Variants in ASAP1 observed in about 807,000 individuals in gnomAD.
The protein encoded by ASAP1 is ArfGAP with SH3 domain, ankyrin repeat and PH domain 1.
A neutral mutation model predicts 145.2 loss-of-function variants in ASAP1; 43 were observed. The ratio of observed to expected loss-of-function variants is 0.30; its 90% CI spans 0.23 to 0.38. ASAP1 has a LOEUF of 0.38. Among genes scored for constraint, ASAP1 ranks in the 10% least tolerant of loss-of-function variants. The probability of loss-of-function intolerance (pLI) is 1.00; values close to 1 mark genes in which losing one functional copy is unlikely to be tolerated. For missense variants in ASAP1, 1,018 were observed against 1,355.3 expected, an observed-to-expected ratio of 0.75 and a Z score of 3.91; for synonymous variants, 546 against 515.5, an observed-to-expected ratio of 1.06 and a Z score of -0.80.
intron 5 of ASAP1, among the ~76,000 whole-genome samples, chr8:130,194,351 G>T (rs759779113): frequency 1.3e-5 from 2 of 150,910 alleles, no homozygotes; most frequent in African/African-American, 4.9e-5. Context: ...TCAAGAGGAG[G>T]AAATTTTAGG....
chr8:130,057,890 T>C, intron 29 of ASAP1, 64 bp downstream of exon 29: 1 of 1,594,790 alleles, frequency 6.3e-7, no homozygotes, highest in African/African-American at 1.3e-5. Flanking sequence ...TAGGCTCCAA[T>C]GTGGTGCCTG....
At chr8:130,176,862 G>A (rs909182385) in intron 9 of ASAP1, among the ~76,000 whole-genome samples, 2 of 151,858 alleles carry the variant, frequency 1.3e-5, no homozygotes, top group Admixed American at 6.6e-5. Context: ...GGCTAATTTT[G>A]TACTTTTAGT....
intron 4 of ASAP1, among the ~76,000 whole-genome samples, chr8:130,219,746 A>G (rs957384041): frequency 6.6e-6 from 1 of 152,210 alleles, no homozygotes; most frequent in Non-Finnish European, 1.5e-5. Context: ...TATTCCTAAG[A>G]AACTTCTGGC....
chr8:130,062,563 T>A (rs1000702330), intron 27 of ASAP1, among the ~76,000 whole-genome samples: 2 of 152,112 alleles, frequency 1.3e-5, no homozygotes, highest in African/African-American at 4.8e-5. Flanking sequence ...CTAGGGGGAA[T>A]CCCTGAGGTG....
chr8:130,383,892 G>T (rs904776736), intron 2 of ASAP1, among the ~76,000 whole-genome samples: 1 of 152,170 alleles, frequency 6.6e-6, no homozygotes, highest in African/African-American at 2.4e-5. Context: ...GAAAGGACTT[G>T]CCCATGTCTC....
rs1419159516 is a variant in ASAP1 at position 130,053,358 on chromosome 8, C to T, written c.*1373G>A. ...CACTGACTGTGGAGTACAACTATTGCATTCTTTTCCAAAATTCAGACTGAT... is the reference window on the plus strand; with the variant it reads ...CACTGACTGTGGAGTACAACTATTGTATTCTTTTCCAAAATTCAGACTGAT... On this transcript the variant is annotated 3_prime_UTR_variant, in exon 30 of 30. Transcript: ENST00000518721. 6.6e-6 allele frequency: 1 copy of T among 152,244 alleles called. No homozygotes were observed. Among genetic ancestry groups the T allele is most frequent in the African/African-American group, 2.4e-5 (1 of 41,464 alleles). 9.4% of individuals were successfully genotyped at this position (152,244 alleles called of 1,614,324 possible). A position where few individuals can be genotyped will look rare whatever the true frequency, so the allele number is the denominator to read the frequency against.
chr8:130,132,379 C>T (rs1243479543), intron 15 of ASAP1, among the ~76,000 whole-genome samples: 1 of 151,380 alleles, frequency 6.6e-6, no homozygotes, highest in Admixed American at 6.6e-5. Context: ...TTTCAGTCTA[C>T]CAACTCTATA....
In ASAP1 at chr8:130,053,747, T is replaced by C. The variant is rs1488737828; in HGVS notation, c.*984A>G. 3.3e-5 allele frequency: 5 copies of C among 152,226 alleles called. No homozygotes were observed. Among genetic ancestry groups the C allele is most frequent in the Non-Finnish European group, 7.3e-5 (5 of 68,038 alleles). 9.4% of individuals were successfully genotyped at this position (152,226 alleles called of 1,614,324 possible). On this transcript the variant is annotated 3_prime_UTR_variant, in exon 30 of 30. Transcript: ENST00000518721. ...GATGCAATGGATGCTTCAACACATC[T>C]GAGAGATGTGCATTCATAACACAAT...
intron 1 of ASAP1, among the ~76,000 whole-genome samples, chr8:130,421,664 C>A (rs574170012): frequency 1.3e-5 from 2 of 152,284 alleles, no homozygotes; most frequent in South Asian, 4.1e-4. Flanking sequence ...GGTCTATGAG[C>A]CACCACATGG....
intron 1 of ASAP1, among the ~76,000 whole-genome samples, chr8:130,412,567 A>G (rs1282084702): frequency 6.6e-6 from 1 of 152,050 alleles, no homozygotes; most frequent in Non-Finnish European, 1.5e-5. Flanking sequence ...TTCTTTATAA[A>G]TTACCCAGTC....
At chr8:130,303,071 A>G (rs1389264572) in intron 3 of ASAP1, among the ~76,000 whole-genome samples, 2 of 152,228 alleles carry the variant, frequency 1.3e-5, no homozygotes, top group Non-Finnish European at 2.9e-5. Context: ...GGAAAACCAC[A>G]AACACCTGGA....
At chr8:130,361,707 T>C (rs1380817257) in intron 2 of ASAP1, 5 of 1,535,728 alleles carry the variant, frequency 3.3e-6, no homozygotes, top group Non-Finnish European at 4.4e-6. Flanking sequence ...TTTGAAACCA[T>C]GCCTCAGTGA....
At chr8:130,442,185 G>A (rs893163332) in intron 1 of ASAP1, among the ~76,000 whole-genome samples, 8 of 152,170 alleles carry the variant, frequency 5.3e-5, no homozygotes, top group African/African-American at 1.4e-4. Flanking sequence ...CACTAAAGTG[G>A]TGAAGGCTGT....
At chr8:130,169,093 AC>A in intron 9 of ASAP1, 26 bp from the exon 10 acceptor site, 1 of 1,351,224 alleles carries the variant, frequency 7.4e-7, no homozygotes, top group Non-Finnish European at 1.0e-6. Context: ...TCAGAGATTT[AC>A]CACCAGTATA....
chr8:130,402,597 T>C (rs11997462), intron 1 of ASAP1, among the ~76,000 whole-genome samples: 49,167 of 151,918 alleles, frequency 0.32, 8,749 homozygotes, highest in African/African-American at 0.46. Flanking sequence ...TAAAAATAAA[T>C]TGAGCCAAGG....
chr8:130,428,657 C>T (rs1408438296), intron 1 of ASAP1, among the ~76,000 whole-genome samples: 5 of 149,686 alleles, frequency 3.3e-5, no homozygotes, highest in African/African-American at 1.2e-4. Context: ...ACCATCATCA[C>T]CATCCCCCCA....
At chr8:130,121,609 T>G (rs1322417790) in intron 18 of ASAP1, among the ~76,000 whole-genome samples, 1 of 151,166 alleles carries the variant, frequency 6.6e-6, no homozygotes, top group East Asian at 1.9e-4. Flanking sequence ...TGGAGAAAAC[T>G]CCTTCTCTAC....
At chr8:130,328,547 G>A (rs574436127) in intron 3 of ASAP1, among the ~76,000 whole-genome samples, 3 of 151,802 alleles carry the variant, frequency 2.0e-5, no homozygotes, top group South Asian at 4.2e-4. Flanking sequence ...TTTCATGAGA[G>A]ATGTGGGCAG....
chr8:130,384,515 G>A (rs1315328299), intron 2 of ASAP1, among the ~76,000 whole-genome samples: 1 of 152,136 alleles, frequency 6.6e-6, no homozygotes. Context: ...GTCTCACTTT[G>A]TCTCCCAAGC....
Sources: gnomAD v4.1 joint callset for allele counts (sites outside exome capture counted in the v4.1 genomes callset) on GRCh38, gnomAD v4.1.1 for gene constraint, MANE v1.5 for transcripts, NCBI Gene and HGNC (gene_info 2026-07-23, HGNC 2026-07-21) for gene names.